The following ERC2 variants were observed in gnomAD, a reference collection of about 807,000 sequenced individuals.
ERC2 encodes ELKS/RAB6-interacting/CAST family member 2, also known as ERC protein 2.
A neutral mutation model predicts 114.8 loss-of-function variants in ERC2; 42 were observed. That is an observed-to-expected ratio of 0.37 (90% CI 0.29 to 0.47). ERC2 has a LOEUF of 0.47. ERC2 is among the 20% of genes least tolerant of loss of function. The probability of loss-of-function intolerance (pLI) is 0.99; values close to 1 mark genes in which losing one functional copy is unlikely to be tolerated. For synonymous variants in ERC2, 454 were observed against 425.5 expected (o/e 1.07, Z -0.82); for missense variants, 939 against 1,150.7 (o/e 0.82, Z 2.66).
chr3:55,761,143 T>C (rs1226469949), intron 14 of ERC2, among the ~76,000 whole-genome samples: 1 of 152,228 alleles, frequency 6.6e-6, no homozygotes, highest in Non-Finnish European at 1.5e-5. Context: ...GCTGCCGTTA[T>C]GATGTTTAGT....
intron 15 of ERC2, among the ~76,000 whole-genome samples, chr3:55,726,062 G>C (rs1233473220): frequency 6.6e-6 from 1 of 152,112 alleles, no homozygotes; most frequent in Non-Finnish European, 1.5e-5. Context: ...TTATTAAAAG[G>C]GGTTCTCTAG....
chr3:56,198,121 A>T (rs1008931451), intron 3 of ERC2, among the ~76,000 whole-genome samples: 1 of 152,232 alleles, frequency 6.6e-6, no homozygotes, highest in Non-Finnish European at 1.5e-5. Context: ...GGCAAGAAAA[A>T]GGGAAATTTG....
chr3:56,310,104 G>A (rs983776827), intron 2 of ERC2, among the ~76,000 whole-genome samples: 3 of 152,126 alleles, frequency 2.0e-5, no homozygotes, highest in Non-Finnish European at 4.4e-5. Context: ...TGTTTTGAAG[G>A]TCAGTGTTCT....
At position 56,163,104 on chromosome 3, in the gene ERC2, G is replaced by A. The variant is rs552004079; in HGVS notation, c.1149+10342C>T. Among the ~76,000 whole-genome samples, 3 of 152,102 alleles carry A rather than the reference G, an allele frequency of 2.0e-5. No homozygotes were observed. The South Asian group carries it at 6.2e-4, about 32-fold the overall frequency. On this transcript the variant is annotated intron_variant, in intron 4 of 17. Coordinates refer to ENST00000288221, the MANE Select transcript of ERC2 (RefSeq NM_015576.3). ...TAGTTCAAATAATTTTTATAGTTCT[G>A]CCTTAATTTCACTGTTTACTCAAAA... is the stretch of plus-strand genomic sequence containing the variant.
intron 16 of ERC2, among the ~76,000 whole-genome samples, chr3:55,697,698 ACTCCCCTGACTTGG>A (rs2063005116): frequency 6.6e-6 from 1 of 151,788 alleles, no homozygotes; most frequent in Non-Finnish European, 1.5e-5. Context: ...TGGATGACCT[ACTCCCCTGACTTGG>A]CTCCAAATCC....
chr3:56,228,865 C>A (rs17056669), intron 3 of ERC2, among the ~76,000 whole-genome samples: 54 of 152,120 alleles, frequency 3.5e-4, no homozygotes, highest in African/African-American at 1.3e-3. Flanking sequence ...TCCAGCTGCA[C>A]TTAGATGCCT....
chr3:55,805,458 T>C lies in ERC2; in HGVS notation c.2565-70540A>G, dbSNP rs530854695. ...CACACACTTGGAACTGAGCCCTGTG[T>C]CATCTGTATCCAATCACCATGTGAA... On this transcript the variant is annotated intron_variant, in intron 14 of 17. Coordinates refer to ENST00000288221, the MANE Select transcript of ERC2 (RefSeq NM_015576.3). 2.6e-5 allele frequency among the ~76,000 whole-genome samples: 4 copies of C among 151,846 alleles called. No homozygotes were observed. In the South Asian group the frequency reaches 6.3e-4, roughly 24 times the overall value.
chr3:55,693,141 A>C (rs918665780), intron 16 of ERC2, among the ~76,000 whole-genome samples: 3 of 152,236 alleles, frequency 2.0e-5, no homozygotes, highest in African/African-American at 7.2e-5. Context: ...ATATCCACAG[A>C]CAGATTCTGG....
chr3:56,405,238 G>A (rs1310026019), intron 2 of ERC2, among the ~76,000 whole-genome samples: 2 of 152,170 alleles, frequency 1.3e-5, no homozygotes, highest in African/African-American at 4.8e-5. Flanking sequence ...GAGGTCAGGA[G>A]TTTGAGACCA....
chr3:55,944,182 T>C (rs2066987469), intron 13 of ERC2, among the ~76,000 whole-genome samples: 1 of 152,236 alleles, frequency 6.6e-6, no homozygotes, highest in Admixed American at 6.5e-5. Flanking sequence ...ATAACAATGA[T>C]TACATTTGAG....
At chr3:55,532,981 T>G (rs1164948979) in intron 17 of ERC2, among the ~76,000 whole-genome samples, 1 of 152,204 alleles carries the variant, frequency 6.6e-6, no homozygotes, top group East Asian at 1.9e-4. Flanking sequence ...ACCCTTCTTC[T>G]CTGGTGAGGG....
chr3:55,663,086 G>A (rs1026351591), intron 17 of ERC2, among the ~76,000 whole-genome samples: 2 of 152,282 alleles, frequency 1.3e-5, no homozygotes, highest in East Asian at 3.9e-4. Flanking sequence ...AATCACAGGA[G>A]ACATATATAC....
intron 2 of ERC2, among the ~76,000 whole-genome samples, chr3:56,420,689 A>C (rs930335071): frequency 6.6e-6 from 1 of 150,794 alleles, no homozygotes; most frequent in Non-Finnish European, 1.5e-5. Flanking sequence ...ATCGAGACCA[A>C]CCTGGCTAAC....
chr3:55,540,441 T>A (rs1369105330), intron 17 of ERC2, among the ~76,000 whole-genome samples: 18 of 152,182 alleles, frequency 1.2e-4, no homozygotes, highest in Non-Finnish European at 4.4e-5. Context: ...TTAAGGCTGA[T>A]CTTTTCTGCA....
chr3:55,743,695 A>G (rs773540024), intron 14 of ERC2, among the ~76,000 whole-genome samples: 5 of 152,102 alleles, frequency 3.3e-5, no homozygotes, highest in African/African-American at 7.2e-5. Flanking sequence ...CACAAATGAA[A>G]TATTACTCAA....
chr3:55,663,535 T>C (rs568552361), intron 17 of ERC2, among the ~76,000 whole-genome samples: 3 of 152,278 alleles, frequency 2.0e-5, no homozygotes, highest in African/African-American at 7.2e-5. Context: ...TCAAATGTCA[T>C]TGTAAACCTA....
chr3:55,898,589 C>T (rs1312554340), intron 13 of ERC2, among the ~76,000 whole-genome samples: 4 of 152,122 alleles, frequency 2.6e-5, no homozygotes, highest in African/African-American at 9.7e-5. Flanking sequence ...AGTACAACAG[C>T]AACATGCTTG....
intron 13 of ERC2, among the ~76,000 whole-genome samples, chr3:55,892,161 A>G (rs532051220): frequency 6.6e-6 from 1 of 152,350 alleles, no homozygotes; most frequent in East Asian, 1.9e-4. Context: ...CCCATAAGGC[A>G]TTTATTCTTC....
chr3:55,545,651 T>C (rs971063265), intron 17 of ERC2, among the ~76,000 whole-genome samples: 1 of 152,174 alleles, frequency 6.6e-6, no homozygotes, highest in Non-Finnish European at 1.5e-5. Flanking sequence ...GTCAGGAGTT[T>C]CTGTGTGTGT....
Sources: gnomAD v4.1 joint callset for allele counts (sites outside exome capture counted in the v4.1 genomes callset) on GRCh38, gnomAD v4.1.1 for gene constraint, MANE v1.5 for transcripts, NCBI Gene and HGNC (gene_info 2026-07-23, HGNC 2026-07-21) for gene names.